Variants in CTNNA3 observed in about 807,000 individuals in gnomAD.
CTNNA3 encodes the protein catenin alpha-3.
In CTNNA3, 76 loss-of-function variants were observed where a neutral mutation model predicts 95.7. That is an observed-to-expected ratio of 0.79 (90% CI 0.66 to 0.96). The LOEUF is 0.96. Ranked by LOEUF, CTNNA3 falls within the 40% of genes least tolerant of loss-of-function variation. CTNNA3 has a pLI of 0.00. For missense variants in CTNNA3, 1,191 were observed against 1,089.8 expected (o/e 1.09, Z -1.31); for synonymous variants, 431 against 374.4 (o/e 1.15, Z -1.74).
chr10:67,104,655 C>A (rs1242728592), intron 7 of CTNNA3, among the ~76,000 whole-genome samples: 1 of 151,524 alleles, frequency 6.6e-6, no homozygotes, highest in Non-Finnish European at 1.5e-5. Flanking sequence ...TCCCTGAACT[C>A]CACAAGTGCA....
chr10:66,374,056 G>A (rs913565631), intron 12 of CTNNA3, among the ~76,000 whole-genome samples: 1 of 152,174 alleles, frequency 6.6e-6, no homozygotes, highest in Non-Finnish European at 1.5e-5. Flanking sequence ...CTGTATCACA[G>A]TGTAATCTTG....
chr10:67,242,046 T>TAA (rs1194820523), intron 5 of CTNNA3, among the ~76,000 whole-genome samples: 2 of 152,158 alleles, frequency 1.3e-5, no homozygotes, highest in African/African-American at 2.4e-5. Flanking sequence ...GTCAAAAAAC[T>TAA]CTCCTTTAAC....
intron 7 of CTNNA3, among the ~76,000 whole-genome samples, chr10:66,841,878 T>C (rs1469976306): frequency 6.6e-6 from 1 of 152,142 alleles, no homozygotes; most frequent in Non-Finnish European, 1.5e-5. Context: ...AAAAATGATT[T>C]ATGAGGGTCA....
intron 13 of CTNNA3, among the ~76,000 whole-genome samples, chr10:66,143,842 A>C (rs1354801539): frequency 6.6e-6 from 1 of 152,218 alleles, no homozygotes; most frequent in Non-Finnish European, 1.5e-5. Context: ...TACAATTTTC[A>C]GAGTCTGATT....
At chr10:67,119,515 C>T (rs1357314246) in intron 7 of CTNNA3, among the ~76,000 whole-genome samples, 1 of 151,962 alleles carries the variant, frequency 6.6e-6, no homozygotes, top group East Asian at 1.9e-4. Flanking sequence ...AACATACTTA[C>T]TAATGAGATT....
At chr10:66,025,634 A>G (rs1264120509) in intron 15 of CTNNA3, among the ~76,000 whole-genome samples, 1 of 152,184 alleles carries the variant, frequency 6.6e-6, no homozygotes, top group East Asian at 1.9e-4. Flanking sequence ...CACCCTAAGC[A>G]GCAAGTTCAA....
chr10:66,023,787 C>T (rs898211884), intron 15 of CTNNA3, among the ~76,000 whole-genome samples: 1 of 152,110 alleles, frequency 6.6e-6, no homozygotes, highest in African/African-American at 2.4e-5. Flanking sequence ...TGAAACATAA[C>T]TCTTGATAAA....
At chr10:65,935,547 T>C (rs1394155009) in intron 17 of CTNNA3, among the ~76,000 whole-genome samples, 1 of 152,166 alleles carries the variant, frequency 6.6e-6, no homozygotes, top group African/African-American at 2.4e-5. Flanking sequence ...ATGTTCCAGT[T>C]AAGGAAAACC....
At chr10:66,905,459 T>TCTTGAATGAA (rs1845947723) in intron 7 of CTNNA3, among the ~76,000 whole-genome samples, 1 of 152,150 alleles carries the variant, frequency 6.6e-6, no homozygotes, top group Non-Finnish European at 1.5e-5. Context: ...ACATGCCACA[T>TCTTGAATGAA]GTATGCCAAT....
At chr10:66,932,309 T>A (rs892092128) in intron 7 of CTNNA3, among the ~76,000 whole-genome samples, 1 of 152,184 alleles carries the variant, frequency 6.6e-6, no homozygotes, top group Admixed American at 6.5e-5. Flanking sequence ...CCCTTGACAT[T>A]TACCAAAATG....
chr10:66,042,127 C>T (rs571688619), intron 15 of CTNNA3, among the ~76,000 whole-genome samples: 1 of 152,308 alleles, frequency 6.6e-6, no homozygotes, highest in Non-Finnish European at 1.5e-5. Context: ...ACCTAGAGAG[C>T]ACTTTCCATC....
At chr10:66,930,210 C>T (rs990801118) in intron 7 of CTNNA3, among the ~76,000 whole-genome samples, 2 of 152,082 alleles carry the variant, frequency 1.3e-5, no homozygotes, top group African/African-American at 4.8e-5. Flanking sequence ...TCTCAAGGTA[C>T]TTTGATATTG....
intron 14 of CTNNA3, among the ~76,000 whole-genome samples, chr10:66,072,499 C>T (rs1412810031): frequency 1.3e-5 from 2 of 152,022 alleles, no homozygotes; most frequent in African/African-American, 4.8e-5. Flanking sequence ...GGCTGGAGTG[C>T]AGTGGCATGA....
At chr10:66,326,492 T>C (rs956502132) in intron 12 of CTNNA3, among the ~76,000 whole-genome samples, 4 of 152,068 alleles carry the variant, frequency 2.6e-5, no homozygotes, top group African/African-American at 4.8e-5. Context: ...AGGTTCAGTA[T>C]AGGTATATAA....
At chr10:66,556,853 G>C (rs1393554324) in intron 10 of CTNNA3, among the ~76,000 whole-genome samples, 2 of 152,026 alleles carry the variant, frequency 1.3e-5, no homozygotes, top group Non-Finnish European at 2.9e-5. Context: ...AAATTTCTGA[G>C]AGAATAGATT....
intron 10 of CTNNA3, among the ~76,000 whole-genome samples, chr10:66,576,225 A>T (rs1197392245): frequency 6.6e-6 from 1 of 152,122 alleles, no homozygotes; most frequent in East Asian, 1.9e-4. Context: ...ATACAGTTTT[A>T]GTGTCATCTC....
chr10:65,960,416 T>A (rs921988980), intron 17 of CTNNA3, among the ~76,000 whole-genome samples: 5 of 152,036 alleles, frequency 3.3e-5, no homozygotes, highest in African/African-American at 1.2e-4. Flanking sequence ...TCCCACCTAC[T>A]CGGTAGGCTG....
chr10:66,825,893 GT>G (rs1333626016), intron 7 of CTNNA3, among the ~76,000 whole-genome samples: 2 of 152,158 alleles, frequency 1.3e-5, no homozygotes, highest in Non-Finnish European at 2.9e-5. Context: ...CCTAAGAATT[GT>G]TTCAAAACAC....
At chr10:67,512,859 C>G (rs1031431420) in intron 5 of CTNNA3, among the ~76,000 whole-genome samples, 2 of 152,082 alleles carry the variant, frequency 1.3e-5, no homozygotes, top group Non-Finnish European at 2.9e-5. Flanking sequence ...ATGGTACACA[C>G]CTGTAGTCCC....
Sources: allele counts gnomAD v4.1 joint callset (sites outside exome capture counted in the v4.1 genomes callset), GRCh38; gene constraint gnomAD v4.1.1; transcripts MANE v1.5; gene names NCBI Gene and HGNC (gene_info 2026-07-23, HGNC 2026-07-21).